The following SCAPER variants were observed in gnomAD, a reference collection of about 807,000 sequenced individuals.
SCAPER encodes S-phase cyclin A associated protein in the ER.
Under a neutral mutation model 182.2 loss-of-function variants are expected in SCAPER, and 98 were observed. The observed-to-expected ratio is 0.54, with a 90% CI of 0.46 to 0.64. The LOEUF is 0.64. Ranked by LOEUF, SCAPER falls within the 30% of genes least tolerant of loss-of-function variation. SCAPER has a pLI of 0.00. For synonymous variants in SCAPER, 605 were observed against 564.6 expected (o/e 1.07, Z -1.01); for missense variants, 1,432 against 1,690.0 (o/e 0.85, Z 2.68).
chr15:76,784,676 A>T (rs960676718), intron 8 of SCAPER, among the ~76,000 whole-genome samples: 21 of 152,250 alleles, frequency 1.4e-4, no homozygotes, highest in South Asian at 6.2e-4. Context: ...TGGTACCAGT[A>T]CCAAAACAGA....
At chr15:76,569,267 T>C (rs550524410) in intron 23 of SCAPER, among the ~76,000 whole-genome samples, 4 of 152,302 alleles carry the variant, frequency 2.6e-5, no homozygotes, top group Admixed American at 1.3e-4. Flanking sequence ...TAATTGATGC[T>C]GAACTTACCA....
intron 21 of SCAPER, among the ~76,000 whole-genome samples, chr15:76,633,671 T>C (rs1182758197): frequency 2.0e-5 from 3 of 152,138 alleles, no homozygotes; most frequent in African/African-American, 4.8e-5. Flanking sequence ...GAGGAGTGGA[T>C]TGGGGTCCTG....
At chr15:76,854,658 C>T (rs2071144122) in intron 4 of SCAPER, among the ~76,000 whole-genome samples, 2 of 151,816 alleles carry the variant, frequency 1.3e-5, no homozygotes, top group African/African-American at 4.8e-5. Context: ...CAAGGCAATC[C>T]TAAGTTTTAA....
At chr15:76,446,241 T>C (rs993175250) in intron 25 of SCAPER, among the ~76,000 whole-genome samples, 6 of 152,212 alleles carry the variant, frequency 3.9e-5, no homozygotes, top group South Asian at 2.1e-4. Flanking sequence ...TCTTTAACTA[T>C]TGTAGTATAC....
rs2065257193 is a variant in SCAPER, at chr15:76,795,424, C to T, written c.628G>A (p.Val210Met). The T allele has an allele frequency of 3.7e-6, 6 of 1,601,650 alleles. No individual in the cohort carries two copies. The highest frequency in any genetic ancestry group is 5.1e-6 in the Non-Finnish European group (6 of 1,173,534). ...GTGGGAGCCAGACGAGGAGCTGGCA[C>T]TGTGCCAGTTGAACCTCTATGGAGA... is the stretch of plus-strand genomic sequence containing the variant. ...SLNFGGSTGT[V>M]PAPRLAPTGV... The change falls in exon 8 of 32, where the codon GTG becomes ATG. Residue 210 changes from valine to methionine, a missense_variant. Val to Met is a conservative substitution (Grantham distance 21, BLOSUM62 1). Transcript: ENST00000563290.
intron 23 of SCAPER, among the ~76,000 whole-genome samples, chr15:76,516,055 G>A (rs1036998287): frequency 6.6e-6 from 1 of 152,084 alleles, no homozygotes; most frequent in Non-Finnish European, 1.5e-5. Context: ...AGGGAAAGGA[G>A]AGACCAGAGA....
chr15:76,872,021 T>A (rs751932957), intron 2 of SCAPER, among the ~76,000 whole-genome samples: 5 of 151,816 alleles, frequency 3.3e-5, no homozygotes, highest in Non-Finnish European at 5.9e-5. Flanking sequence ...AAAATGAAAT[T>A]CACATGGATA....
intron 24 of SCAPER, among the ~76,000 whole-genome samples, chr15:76,479,143 C>G (rs1439167141): frequency 6.6e-6 from 1 of 151,986 alleles, no homozygotes; most frequent in Non-Finnish European, 1.5e-5. Flanking sequence ...GAAACTTTCA[C>G]AAAGAAACCA....
intron 27 of SCAPER, among the ~76,000 whole-genome samples, chr15:76,392,846 G>C (rs1279406998): frequency 1.3e-5 from 2 of 152,080 alleles, no homozygotes; most frequent in African/African-American, 2.4e-5. Context: ...CAGTCTCCTA[G>C]AGCCAGTGAG....
intron 22 of SCAPER, among the ~76,000 whole-genome samples, chr15:76,612,243 T>C (rs1026334317): frequency 5.3e-5 from 8 of 152,160 alleles, no homozygotes; most frequent in Non-Finnish European, 8.8e-5. Flanking sequence ...TGCTTCTTTT[T>C]TGCTTTTTTT....
chr15:76,541,204 AAAAT>A (rs1275105594), intron 23 of SCAPER, among the ~76,000 whole-genome samples: 1 of 46,150 alleles, frequency 2.2e-5, no homozygotes, highest in Non-Finnish European at 4.6e-5. Context: ...TATTAATAGA[AAAAT>A]AAAATGTTTT....
intron 25 of SCAPER, among the ~76,000 whole-genome samples, chr15:76,463,147 T>C (rs1331198534): frequency 6.6e-6 from 1 of 152,144 alleles, no homozygotes; most frequent in Non-Finnish European, 1.5e-5. Context: ...CAACGTGTCC[T>C]AGATATGCTG....
intron 14 of SCAPER, among the ~76,000 whole-genome samples, chr15:76,757,651 A>G (rs1414196424): frequency 1.3e-5 from 2 of 152,178 alleles, no homozygotes; most frequent in Non-Finnish European, 2.9e-5. Context: ...ATCGTATGAC[A>G]GGCTCTATTT....
chr15:76,569,636 C>T (rs1204510537), intron 23 of SCAPER, among the ~76,000 whole-genome samples: 1 of 152,082 alleles, frequency 6.6e-6, no homozygotes, highest in African/African-American at 2.4e-5. Context: ...TCAAATACTT[C>T]TCTCTTCTCC....
In SCAPER at chr15:76,606,273, T is replaced by A. The variant is rs1046561730; in HGVS notation, c.2711+15491A>T. 5.3e-5 allele frequency among the ~76,000 whole-genome samples: 8 copies of A among 152,252 alleles called. 1 individual carries two copies. The highest frequency in any genetic ancestry group is 1.9e-4 in the African/African-American group (8 of 41,452). On this transcript the variant is annotated intron_variant, in intron 22 of 31. Coordinates refer to ENST00000563290, the MANE Select transcript of SCAPER (RefSeq NM_020843.4). ...ATCTTTATTTCTGCCTTCATTTCAT[T>A]ATTTACCCAGTAGTCATTCAGGAGC...
Position 76,370,291 on chromosome 15 carries a change from AT to A in SCAPER, c.3855+5870del, listed in dbSNP as rs10524497. Among the ~76,000 whole-genome samples, 350 of 119,394 alleles carry A rather than the reference AT, an allele frequency of 2.9e-3. 2 individuals are homozygous for A. Among genetic ancestry groups the A allele is most frequent in the African/African-American group, 0.012 (323 of 27,154 alleles). 78.3% of individuals were successfully genotyped at this position (119,394 alleles called of 152,430 possible). On this transcript the variant is annotated intron_variant, in intron 29 of 31. Transcript: ENST00000563290. ...GTATAACATATAATTTACCATTTCA[AT>A]TTTTTTTTTTTTTTTTTTTTTTTTG...
chr15:76,626,777 A>G lies in SCAPER; in HGVS notation c.2646-4948T>C, dbSNP rs961978275. ...GAGTAAGTGACAGGTAAGTAATGTG[A>G]TATGTTCACTTCCAGCTGTTTCCTG... On this transcript the variant is annotated intron_variant, in intron 21 of 31. Transcript: ENST00000563290. Among the ~76,000 whole-genome samples, 24 of 152,208 alleles carry G rather than the reference A, an allele frequency of 1.6e-4. 1 individual carries two copies. The highest frequency in any genetic ancestry group is 2.9e-5 in the Non-Finnish European group (2 of 68,032).
At chr15:76,895,152 T>A (rs1009107088) in intron 1 of SCAPER, among the ~76,000 whole-genome samples, 1 of 152,030 alleles carries the variant, frequency 6.6e-6, no homozygotes, top group African/African-American at 2.4e-5. Flanking sequence ...GCAAACCAAA[T>A]CCAACAGCTT....
At chr15:76,804,865 T>TC (rs2066039305) in intron 5 of SCAPER, among the ~76,000 whole-genome samples, 2 of 151,912 alleles carry the variant, frequency 1.3e-5, no homozygotes, top group Admixed American at 6.6e-5. Flanking sequence ...TCTCAAAACC[T>TC]CCCCCAATAG....
Sources: gnomAD v4.1 joint callset for allele counts (sites outside exome capture counted in the v4.1 genomes callset) on GRCh38, gnomAD v4.1.1 for gene constraint, MANE v1.5 for transcripts, NCBI Gene and HGNC (gene_info 2026-07-23, HGNC 2026-07-21) for gene names.